The following ABCC1 variants were observed in gnomAD, a reference collection of about 807,000 sequenced individuals.
The protein encoded by ABCC1 is ATP binding cassette subfamily C member 1 (ABCC1 blood group), also known as multidrug resistance-associated protein 1.
ABCC1 carries 83 observed loss-of-function variants against 172.9 expected under a neutral mutation model. The observed-to-expected ratio is 0.48, with a 90% CI of 0.40 to 0.58. The LOEUF (loss-of-function observed/expected upper bound fraction) is 0.58. Among genes scored for constraint, ABCC1 ranks in the 20% least tolerant of loss-of-function variants. The pLI is 0.00. For missense variants in ABCC1, 1,817 were observed against 2,002.7 expected (o/e 0.91, Z 1.77); for synonymous variants, 937 against 825.2 (o/e 1.14, Z -2.32).
intron 11 of ABCC1, among the ~76,000 whole-genome samples, chr16:16,054,085 C>G (rs959159860): frequency 6.6e-6 from 1 of 151,938 alleles, no homozygotes; most frequent in Admixed American, 6.6e-5. Context: ...AGTAGTTCTC[C>G]TGCCTCAGCC....
Position 16,124,837 on chromosome 16 carries a change from T to C in ABCC1, c.3639T>C (p.Phe1213=), listed in dbSNP as rs763724868. The part of the protein sequence containing the change: ...LECVGNCIVL[F]AALFAVISRH... ...GTGTGGGCAACTGCATCGTTCTGTT[T>C]GCTGCCCTGTTTGCGGTGATCTCCA... The change falls in exon 25 of 31, where the codon TTT becomes TTC. Residue 1213 remains phenylalanine, a synonymous_variant. Coordinates refer to ENST00000399410, the MANE Select transcript of ABCC1 (RefSeq NM_004996.4). 6.2e-7 allele frequency: 1 copy of C among 1,614,216 alleles called. No homozygotes were observed. The highest frequency in any genetic ancestry group is 2.2e-5 in the East Asian group (1 of 44,888).
chr16:16,077,011 T>C (rs1317358362), intron 15 of ABCC1, among the ~76,000 whole-genome samples: 1 of 152,192 alleles, frequency 6.6e-6, no homozygotes, highest in Non-Finnish European at 1.5e-5. Context: ...CAGCTCACCC[T>C]TTCTTGCCAG....
intron 7 of ABCC1, among the ~76,000 whole-genome samples, chr16:16,044,027 A>C (rs2049094531): frequency 6.6e-6 from 1 of 152,240 alleles, no homozygotes; most frequent in Non-Finnish European, 1.5e-5. Context: ...AAGTTAGCTC[A>C]TAATTTCTAC....
chr16:15,986,362 G>A (rs1394864384), intron 1 of ABCC1, among the ~76,000 whole-genome samples: 3 of 152,190 alleles, frequency 2.0e-5, no homozygotes, highest in Non-Finnish European at 4.4e-5. Context: ...TGAACCAGTA[G>A]CGAGCAGTCT....
chr16:15,985,653 C>A (rs973851077), intron 1 of ABCC1, among the ~76,000 whole-genome samples: 1 of 152,052 alleles, frequency 6.6e-6, no homozygotes, highest in Non-Finnish European at 1.5e-5. Context: ...TCATGTTGGT[C>A]GGGCTGGTCT....
intron 1 of ABCC1, among the ~76,000 whole-genome samples, chr16:15,976,506 C>T (rs2046494911): frequency 6.6e-6 from 1 of 152,122 alleles, no homozygotes; most frequent in South Asian, 2.1e-4. Context: ...GGCAGTCTGT[C>T]TCCAGGGCCT....
intron 5 of ABCC1, among the ~76,000 whole-genome samples, chr16:16,025,992 C>T (rs751753911): frequency 1.3e-5 from 2 of 152,160 alleles, no homozygotes; most frequent in Non-Finnish European, 2.9e-5. Flanking sequence ...TCAAAAGATT[C>T]TCCTTGGTTT....
At chr16:16,096,154 G>C (rs905685682) in intron 19 of ABCC1, among the ~76,000 whole-genome samples, 2 of 151,884 alleles carry the variant, frequency 1.3e-5, no homozygotes, top group South Asian at 2.1e-4. Context: ...GCGTGAATCC[G>C]GGGGGCAGAG....
At chr16:15,957,615 G>A (rs1197900154) in intron 1 of ABCC1, among the ~76,000 whole-genome samples, 1 of 152,042 alleles carries the variant, frequency 6.6e-6, no homozygotes, top group Non-Finnish European at 1.5e-5. Flanking sequence ...TTATTTATTT[G>A]AGACGGAGTC....
chr16:16,107,787 CAA>C (rs996299444), intron 21 of ABCC1, among the ~76,000 whole-genome samples: 9 of 151,180 alleles, frequency 6.0e-5, no homozygotes, highest in African/African-American at 1.7e-4. Context: ...GGTGGTGATC[CAA>C]AGTTTATTTT....
At chr16:16,082,068 C>A (rs1466083146) in intron 16 of ABCC1, among the ~76,000 whole-genome samples, 1 of 152,278 alleles carries the variant, frequency 6.6e-6, no homozygotes, top group East Asian at 1.9e-4. Context: ...CCCATGCTCC[C>A]CACCAAGTAT....
Position 15,998,797 on chromosome 16 carries a change from A to G in ABCC1, c.49-9019A>G, listed in dbSNP as rs1231495319. On this transcript the variant is annotated intron_variant, in intron 1 of 30. Transcript: ENST00000399410. ...GTAGCTTACTTTCTTGCTTGAAAGG[A>G]CAACTTTTCTTTGTCCTTTAGACTT... Among the ~76,000 whole-genome samples, 3 of 152,082 alleles carry G rather than the reference A, an allele frequency of 2.0e-5. No individual in the cohort carries two copies. The East Asian group carries it at 5.8e-4, about 29-fold the overall frequency.
intron 7 of ABCC1, among the ~76,000 whole-genome samples, chr16:16,040,839 G>C (rs1199124598): frequency 6.6e-6 from 1 of 151,996 alleles, no homozygotes; most frequent in Non-Finnish European, 1.5e-5. Context: ...GGATATTTAG[G>C]GACAAGAGTG....
At chr16:16,133,384 G>GTT (rs2045782324) in intron 27 of ABCC1, among the ~76,000 whole-genome samples, 1 of 150,896 alleles carries the variant, frequency 6.6e-6, no homozygotes, top group Middle Eastern at 3.4e-3. Flanking sequence ...TTTTGTTTTT[G>GTT]TTTTTGTTTT....
intron 6 of ABCC1, 76 bp from the exon 7 acceptor site, chr16:16,036,396 G>T: frequency 1.4e-6 from 2 of 1,405,856 alleles, no homozygotes; most frequent in Non-Finnish European, 2.0e-6. Context: ...CAGGCGTGTG[G>T]AGTGAGTGAG....
At chr16:16,096,483 C>T (rs534479888) in intron 19 of ABCC1, among the ~76,000 whole-genome samples, 2 of 152,240 alleles carry the variant, frequency 1.3e-5, no homozygotes, top group Admixed American at 6.5e-5. Context: ...GAGCAGCTGC[C>T]GAGAGAGTTC....
rs372392599 is a variant in ABCC1, at chr16:15,949,910, C to T, written c.48+111C>T. The T allele has an allele frequency of 5.1e-5, 49 of 957,230 alleles. No homozygotes were observed. The East Asian group carries it at 2.0e-3, about 39-fold the overall frequency. 59.3% of individuals were successfully genotyped at this position (957,230 alleles called of 1,614,324 possible). ...ACCCCGCTCCCCGCTCTGCTGCCGG[C>T]CTCGGGGGCCCGGGACCCTCACGTC... On this transcript the variant is annotated intron_variant, in intron 1 of 30. Transcript: ENST00000399410.
intron 20 of ABCC1, among the ~76,000 whole-genome samples, chr16:16,104,111 G>C (rs1453046391): frequency 6.6e-6 from 1 of 152,150 alleles, no homozygotes; most frequent in African/African-American, 2.4e-5. Context: ...TGTAGACCTT[G>C]ATGGTGAGTG....
chr16:15,973,600 A>G (rs1409166180), intron 1 of ABCC1, among the ~76,000 whole-genome samples: 1 of 152,148 alleles, frequency 6.6e-6, no homozygotes, highest in Non-Finnish European at 1.5e-5. Context: ...GACTATCAGC[A>G]ATGGTGTAGC....
Sources: allele counts gnomAD v4.1 joint callset (sites outside exome capture counted in the v4.1 genomes callset), GRCh38; gene constraint gnomAD v4.1.1; transcripts MANE v1.5; gene names NCBI Gene and HGNC (gene_info 2026-07-23, HGNC 2026-07-21).